Variants in EFCAB6 observed in about 807,000 individuals in gnomAD.
EFCAB6 encodes EF-hand calcium binding domain 6.
EFCAB6 carries 156 observed loss-of-function variants against 169.8 expected under a neutral mutation model. The ratio of observed to expected loss-of-function variants is 0.92; its 90% CI spans 0.81 to 1.05. The LOEUF (loss-of-function observed/expected upper bound fraction) is 1.05. Among genes scored for constraint, EFCAB6 ranks in the 50% least tolerant of loss-of-function variants. The pLI, the probability that EFCAB6 is intolerant of heterozygous loss-of-function variation, is 0.00. For missense variants in EFCAB6, 1,800 were observed against 1,829.1 expected (o/e 0.98, Z 0.29); for synonymous variants, 698 against 676.4 (o/e 1.03, Z -0.50).
rs1418782572 is a variant in EFCAB6, at chr22:43,628,451, C to T, written c.2233-1772G>A. Among the ~76,000 whole-genome samples the T allele has an allele frequency of 2.6e-5, 4 of 152,162 alleles. No homozygotes were observed. In the East Asian group the frequency reaches 5.8e-4, roughly 22 times the overall value. The stretch of plus-strand genomic sequence containing the variant: ...GGCTCCCAGCTGCCATCGTCGGCTC[C>T]GTGGCCTCTGCTCTGTGCAATCGCT... On this transcript the variant is annotated intron_variant, in intron 19 of 31. Transcript: ENST00000262726. The surrounding 1 kb of genome is among the most constrained non-coding windows in gnomAD (Gnocchi z 4.8).
At chr22:43,563,660 C>T (rs1053211467) in intron 26 of EFCAB6, among the ~76,000 whole-genome samples, 12 of 152,344 alleles carry the variant, frequency 7.9e-5, no homozygotes, top group African/African-American at 2.2e-4. Flanking sequence ...CAGAGCCTGC[C>T]GCGCTGCTGC....
At chr22:43,751,237 A>G (rs993817754) in intron 6 of EFCAB6, among the ~76,000 whole-genome samples, 1 of 152,120 alleles carries the variant, frequency 6.6e-6, no homozygotes, top group Admixed American at 6.5e-5. Context: ...CTGAACATAC[A>G]CTGTATTCCT....
chr22:43,619,050 G>C (rs565756395), intron 20 of EFCAB6, among the ~76,000 whole-genome samples: 3 of 152,118 alleles, frequency 2.0e-5, no homozygotes, highest in African/African-American at 7.2e-5. Flanking sequence ...TACAGAGTGT[G>C]GGGGAGATCA....
At chr22:43,626,824 T>C in intron 19 of EFCAB6, 145 bp from the exon 20 acceptor site, 1 of 702,570 alleles carries the variant, frequency 1.4e-6, no homozygotes, top group Non-Finnish European at 2.4e-6. Context: ...GACTTGGCTG[T>C]TCCAGGAATA....
Position 43,617,255 on chromosome 22 carries a change from T to C in EFCAB6, c.2466-1333A>G, listed in dbSNP as rs1175909480. ...GACTGTAAGTCCTAATGATGTCTATTTCCCTGCCTTCACTTTTAGACTCCT... is the reference window on the plus strand; with the variant it reads ...GACTGTAAGTCCTAATGATGTCTATCTCCCTGCCTTCACTTTTAGACTCCT... On this transcript the variant is annotated intron_variant, in intron 20 of 31. Coordinates refer to ENST00000262726, the MANE Select transcript of EFCAB6 (RefSeq NM_022785.4). Among the ~76,000 whole-genome samples, 3 of 152,238 alleles carry C rather than the reference T, an allele frequency of 2.0e-5. No homozygotes were observed. In the East Asian group the frequency reaches 5.8e-4, roughly 29 times the overall value.
intron 27 of EFCAB6, chr22:43,553,982 G>A: frequency 6.5e-6 from 1 of 153,488 alleles, no homozygotes; most frequent in Non-Finnish European, 1.4e-5. Flanking sequence ...GCAGCCCGGA[G>A]CATCCCACAC....
chr22:43,531,042 C>G (rs1416548089), intron 30 of EFCAB6, 78 bp from the exon 31 acceptor site: 1 of 1,582,022 alleles, frequency 6.3e-7, no homozygotes, highest in Non-Finnish European at 8.6e-7. Flanking sequence ...CGCCTCGCCC[C>G]CGCCTCGCCC....
At chr22:43,655,871 G>A (rs2056714094) in intron 17 of EFCAB6, among the ~76,000 whole-genome samples, 1 of 152,156 alleles carries the variant, frequency 6.6e-6, no homozygotes, top group Non-Finnish European at 1.5e-5. Context: ...TAGGCCTGAA[G>A]GCAAATGGCA....
intron 8 of EFCAB6, among the ~76,000 whole-genome samples, chr22:43,725,929 T>G (rs980871841): frequency 6.6e-6 from 1 of 152,164 alleles, no homozygotes; most frequent in African/African-American, 2.4e-5. Flanking sequence ...GAACTAAGAT[T>G]GTATTTTACG....
At chr22:43,688,245 C>G (rs935231068) in intron 10 of EFCAB6, among the ~76,000 whole-genome samples, 29 of 152,126 alleles carry the variant, frequency 1.9e-4, no homozygotes, top group Non-Finnish European at 4.0e-4. Flanking sequence ...CCCAGATTCC[C>G]CAGAAGGAAA....
intron 21 of EFCAB6, among the ~76,000 whole-genome samples, chr22:43,615,150 C>T (rs2053606419): frequency 6.6e-6 from 1 of 152,210 alleles, no homozygotes; most frequent in Admixed American, 6.5e-5. Flanking sequence ...AAAATATTTC[C>T]ATAATGCAGT....
intron 11 of EFCAB6, 42 bp from the exon 12 acceptor site, chr22:43,683,897 C>G (rs752077946): frequency 6.8e-7 from 1 of 1,477,700 alleles, no homozygotes. Context: ...AGATTATGTT[C>G]TTGAACTTTG....
Position 43,735,791 on chromosome 22 carries a change from GGTCTCA to G in EFCAB6, c.644+60_644+65del. ...ATGGATGGAGCCAATGAACCCAACAGGTCTCATTCTGAAATTGGTTAAAAGTTCTAC... is the reference window on the plus strand; with the variant it reads ...ATGGATGGAGCCAATGAACCCAACAGTTCTGAAATTGGTTAAAAGTTCTAC... On this transcript the variant is annotated intron_variant, in intron 7 of 31. Coordinates refer to ENST00000262726, the MANE Select transcript of EFCAB6 (RefSeq NM_022785.4). The G allele has an allele frequency of 1.8e-5, 29 of 1,582,736 alleles. No individual in the cohort carries two copies. The South Asian group carries it at 3.3e-4, about 18-fold the overall frequency.
chr22:43,618,132 G>C (rs544116272), intron 20 of EFCAB6, among the ~76,000 whole-genome samples: 1 of 78,132 alleles, frequency 1.3e-5, no homozygotes. Flanking sequence ...AAAAAAGAAA[G>C]AGACAGAGAG....
intron 2 of EFCAB6, among the ~76,000 whole-genome samples, chr22:43,806,248 T>C (rs561155042): frequency 2.0e-5 from 3 of 150,678 alleles, no homozygotes; most frequent in Admixed American, 2.0e-4. Context: ...CTCCAGGGCA[T>C]AAAGACTGAA....
intron 12 of EFCAB6, among the ~76,000 whole-genome samples, chr22:43,678,416 C>T (rs1016989939): frequency 4.7e-5 from 7 of 150,520 alleles, no homozygotes; most frequent in African/African-American, 1.7e-4. Flanking sequence ...TGTTCTCTAT[C>T]AGGACATGGC....
At chr22:43,606,212 G>C (rs2052907552) in intron 22 of EFCAB6, among the ~76,000 whole-genome samples, 1 of 152,146 alleles carries the variant, frequency 6.6e-6, no homozygotes, top group African/African-American at 2.4e-5. Flanking sequence ...AAATAACTCA[G>C]CTTAAAAGCC....
chr22:43,623,861 A>G (rs1044268283), intron 20 of EFCAB6, among the ~76,000 whole-genome samples: 21 of 146,778 alleles, frequency 1.4e-4, no homozygotes, highest in South Asian at 4.3e-4. Context: ...GTGAGCCGAG[A>G]TTCCGCCACT....
chr22:43,676,418 CA>C (rs34550416), intron 13 of EFCAB6, among the ~76,000 whole-genome samples: 10,196 of 60,472 alleles, frequency 0.17, 273 homozygotes, highest in South Asian at 0.27. Context: ...GACTCCGTCT[CA>C]AAAAAAAAAA....
Sources: allele counts gnomAD v4.1 joint callset (sites outside exome capture counted in the v4.1 genomes callset), GRCh38; gene constraint gnomAD v4.1.1; non-coding constraint Gnocchi (gnomAD v3.1); transcripts MANE v1.5; gene names NCBI Gene and HGNC (gene_info 2026-07-23, HGNC 2026-07-21).